Variants in IL1RL1 observed in about 807,000 individuals in gnomAD.
IL1RL1 encodes the protein interleukin 1 receptor like 1.
IL1RL1 carries 32 observed loss-of-function variants against 50.9 expected under a neutral mutation model. The observed-to-expected ratio is 0.63, with a 90% CI of 0.47 to 0.84. The LOEUF (loss-of-function observed/expected upper bound fraction) is 0.84, where lower values mean the gene tolerates loss of function less well. IL1RL1 is among the 40% of genes least tolerant of loss of function. The pLI is 0.00. For missense variants in IL1RL1, 773 were observed against 662.9 expected (o/e 1.17, Z -1.82); for synonymous variants, 275 against 236.0 (o/e 1.17, Z -1.51).
intron 8 of IL1RL1, 49 bp downstream of exon 8, chr2:102,343,464 T>C (rs953891727): frequency 6.8e-6 from 11 of 1,613,896 alleles, no homozygotes; most frequent in Middle Eastern, 1.6e-4. Flanking sequence ...CTCTAGCAAG[T>C]GTAAGCAGAA....
At chr2:102,326,761 C>A (rs1447451839) in intron 1 of IL1RL1, among the ~76,000 whole-genome samples, 2 of 152,044 alleles carry the variant, frequency 1.3e-5, no homozygotes, top group African/African-American at 4.8e-5. Flanking sequence ...CACAGAAGGC[C>A]ATTAAATAAT....
intron 8 of IL1RL1, chr2:102,344,465 C>A (rs1364428163): frequency 3.5e-6 from 2 of 564,454 alleles, no homozygotes; most frequent in African/African-American, 2.1e-5. Flanking sequence ...TCAGGTACCA[C>A]GTATTCCAGG....
intron 1 of IL1RL1, among the ~76,000 whole-genome samples, chr2:102,316,232 C>T (rs981541909): frequency 4.6e-5 from 7 of 152,186 alleles, no homozygotes; most frequent in African/African-American, 1.7e-4. Context: ...AATAAGATTT[C>T]TTTGATAGGA....
In IL1RL1 at chr2:102,338,171, CAT is replaced by C. The variant is rs936867844; in HGVS notation, c.-93_-92del. ...TCTTGAAGAGTATCACCAACTGCCT[CAT>C]GTGTGGTGACCTTCACTGTCGTATG... On this transcript the variant is annotated 5_prime_UTR_variant, in exon 2 of 11. An upstream start codon of the reference 5' UTR is lost. Coordinates refer to ENST00000233954, the MANE Select transcript of IL1RL1 (RefSeq NM_016232.5). 16 of 727,496 alleles carry C rather than the reference CAT, an allele frequency of 2.2e-5. No homozygotes were observed. Among genetic ancestry groups the C allele is most frequent in the African/African-American group, 2.0e-4 (11 of 56,292 alleles). 45.1% of individuals were successfully genotyped at this position (727,496 alleles called of 1,614,324 possible).
chr2:102,343,540 CT>C (rs1213242287), intron 8 of IL1RL1, 125 bp downstream of exon 8: 2 of 1,577,472 alleles, frequency 1.3e-6, no homozygotes, highest in African/African-American at 2.7e-5. Context: ...ATGTGCTTCT[CT>C]TCTTCGGGAT....
At chr2:102,314,318 G>A (rs1676609942) in intron 1 of IL1RL1, among the ~76,000 whole-genome samples, 1 of 152,180 alleles carries the variant, frequency 6.6e-6, no homozygotes, top group Non-Finnish European at 1.5e-5. Flanking sequence ...GCTTGTGAGG[G>A]CCCCAGGCCC....
intron 1 of IL1RL1, among the ~76,000 whole-genome samples, chr2:102,312,670 G>C (rs1280811050): frequency 1.3e-5 from 2 of 152,030 alleles, no homozygotes; most frequent in African/African-American, 4.8e-5. Context: ...GAGAGGGGTG[G>C]ATATGAGGAT....
intron 3 of IL1RL1, 175 bp downstream of exon 3, chr2:102,339,222 A>C: frequency 1.7e-6 from 1 of 592,298 alleles, no homozygotes. Flanking sequence ...TATCAGGTTG[A>C]GGTCTAGCTC....
At chr2:102,351,185 A>G (rs1239901612) in intron 10 of IL1RL1, among the ~76,000 whole-genome samples, 1 of 152,216 alleles carries the variant, frequency 6.6e-6, no homozygotes, top group Non-Finnish European at 1.5e-5. Context: ...CAAATATTCT[A>G]AGAAGATAAT....
At chr2:102,318,393 A>T (rs1333958510) in intron 1 of IL1RL1, among the ~76,000 whole-genome samples, 1 of 148,296 alleles carries the variant, frequency 6.7e-6, no homozygotes, top group Non-Finnish European at 1.5e-5. Context: ...TGATATGTGC[A>T]GCTGAAAAAA....
At chr2:102,334,458 G>A (rs1677255283) in intron 1 of IL1RL1, among the ~76,000 whole-genome samples, 1 of 152,076 alleles carries the variant, frequency 6.6e-6, no homozygotes, top group African/African-American at 2.4e-5. Flanking sequence ...ATTCTCCAGA[G>A]GCCCAGGCTA....
At chr2:102,315,208 G>T (rs957986471) in intron 1 of IL1RL1, among the ~76,000 whole-genome samples, 2 of 152,162 alleles carry the variant, frequency 1.3e-5, no homozygotes, top group South Asian at 4.1e-4. Flanking sequence ...CTGGATGAGG[G>T]TGTATGCCGT....
At chr2:102,346,892 G>A (rs906194675) in intron 8 of IL1RL1, among the ~76,000 whole-genome samples, 1 of 152,166 alleles carries the variant, frequency 6.6e-6, no homozygotes, top group Non-Finnish European at 1.5e-5. Context: ...GAAAAGAACC[G>A]TATCAGCAAA....
At chr2:102,326,919 C>G (rs1356829048) in intron 1 of IL1RL1, among the ~76,000 whole-genome samples, 3 of 152,008 alleles carry the variant, frequency 2.0e-5, no homozygotes, top group African/African-American at 7.2e-5. Context: ...ACTTTAACAC[C>G]CCACTGGAAA....
At position 102,311,622 on chromosome 2, in the gene IL1RL1, G is replaced by A. The variant is rs1444978507; in HGVS notation, c.-151G>A. ...AAAGAACTCAAGTACAACCCAATGA[G>A]GGTAAGTGGCTTTGGGGTATTTTTC... is the stretch of plus-strand genomic sequence containing the variant. On this transcript the variant is annotated splice_region_variant and 5_prime_UTR_variant, in exon 1 of 11. Transcript: ENST00000233954. 1 of 150,352 alleles carries A rather than the reference G, an allele frequency of 6.7e-6. No homozygotes were observed. The highest frequency in any genetic ancestry group is 1.9e-4 in the East Asian group (1 of 5,260). The allele number at this position is 150,352 out of a possible 1,614,324, so 9.3% of individuals were successfully genotyped here. A position where few individuals can be genotyped will look rare whatever the true frequency, so the allele number is the denominator to read the frequency against.
chr2:102,338,449 T>A (rs533330972), intron 2 of IL1RL1, 124 bp downstream of exon 2: 1 of 556,000 alleles, frequency 1.8e-6, no homozygotes, highest in East Asian at 3.0e-5. Context: ...AAAAATATAT[T>A]GCTTTTGTAC....
chr2:102,321,188 C>G (rs998452602), intron 1 of IL1RL1, among the ~76,000 whole-genome samples: 2 of 152,230 alleles, frequency 1.3e-5, no homozygotes, highest in African/African-American at 2.4e-5. Context: ...TGAAATTGCT[C>G]TCCTCCTGCT....
At position 102,315,247 on chromosome 2, in the gene IL1RL1, C is replaced by T. The variant is rs117216182; in HGVS notation, c.-150+3624C>T. On this transcript the variant is annotated intron_variant, in intron 1 of 10. Transcript: ENST00000233954. ...GAAAAGGAGTGGGATGATGTGGATC[C>T]CCCTGGGGTTGCAGGTCATCCTCCC... Among the ~76,000 whole-genome samples the T allele has an allele frequency of 6.6e-5, 10 of 152,190 alleles. No homozygotes were observed. The East Asian group carries it at 1.9e-3, about 29-fold the overall frequency.
chr2:102,340,870 A>T, intron 5 of IL1RL1, 42 bp downstream of exon 5: 6 of 1,481,050 alleles, frequency 4.1e-6, no homozygotes, highest in Non-Finnish European at 4.5e-6. Flanking sequence ...TACGTGAAAG[A>T]AGTCGAAGTG....
Sources: allele counts gnomAD v4.1 joint callset (sites outside exome capture counted in the v4.1 genomes callset), GRCh38; gene constraint gnomAD v4.1.1; transcripts MANE v1.5; gene names NCBI Gene and HGNC (gene_info 2026-07-23, HGNC 2026-07-21).